Variants in EYS observed in about 807,000 individuals in gnomAD.
The protein encoded by EYS is protein eyes shut homolog.
EYS carries 250 observed loss-of-function variants against 282.1 expected under a neutral mutation model. The ratio of observed to expected loss-of-function variants is 0.89; its 90% CI spans 0.80 to 0.98. The LOEUF (loss-of-function observed/expected upper bound fraction) is 0.98. EYS is among the 50% of genes least tolerant of loss of function. The pLI, the probability that EYS is intolerant of heterozygous loss-of-function variation, is 0.00. For synonymous variants in EYS, 1,355 were observed against 1,282.9 expected, an observed-to-expected ratio of 1.06 and a Z score of -1.20; for missense variants, 4,016 against 3,709.0, an observed-to-expected ratio of 1.08 and a Z score of -2.15.
At chr6:64,148,047 A>G (rs1168322774) in intron 31 of EYS, among the ~76,000 whole-genome samples, 1 of 152,162 alleles carries the variant, frequency 6.6e-6, no homozygotes, top group African/African-American at 2.4e-5. Context: ...TTTTAGGTTT[A>G]AAATGTTGTT....
At chr6:64,046,982 A>G (rs1582196642) in intron 33 of EYS, among the ~76,000 whole-genome samples, 2 of 152,222 alleles carry the variant, frequency 1.3e-5, no homozygotes, top group African/African-American at 4.8e-5. Context: ...GTCACTGCAA[A>G]TTCCCTTTAT....
intron 5 of EYS, among the ~76,000 whole-genome samples, chr6:65,471,611 A>C (rs951365735): frequency 1.3e-5 from 2 of 152,152 alleles, no homozygotes; most frequent in Admixed American, 1.3e-4. Context: ...AAAATTCAGA[A>C]TATGATCTCA....
At chr6:65,571,753 A>G (rs1385855848) in intron 2 of EYS, among the ~76,000 whole-genome samples, 1 of 152,102 alleles carries the variant, frequency 6.6e-6, no homozygotes, top group Admixed American at 6.6e-5. Flanking sequence ...CAGTCTATAT[A>G]GAAAGCTTTT....
intron 29 of EYS, among the ~76,000 whole-genome samples, chr6:64,330,203 C>T (rs1405874503): frequency 1.3e-5 from 2 of 152,160 alleles, no homozygotes; most frequent in South Asian, 2.1e-4. Flanking sequence ...GGAAAAGGCA[C>T]AAATCTGTGG....
intron 26 of EYS, among the ~76,000 whole-genome samples, chr6:64,548,094 C>T (rs1282582684): frequency 2.0e-5 from 3 of 152,162 alleles, no homozygotes; most frequent in Non-Finnish European, 4.4e-5. Flanking sequence ...CTCGGCCAGC[C>T]CAGGAAGGGG....
At chr6:64,456,122 A>C (rs1404847414) in intron 26 of EYS, among the ~76,000 whole-genome samples, 2 of 151,982 alleles carry the variant, frequency 1.3e-5, no homozygotes, top group Non-Finnish European at 2.9e-5. Flanking sequence ...AGCTTCTTTA[A>C]ACAAATTTGG....
At chr6:64,098,448 AAAAAT>A (rs1343836160) in intron 31 of EYS, among the ~76,000 whole-genome samples, 2 of 152,164 alleles carry the variant, frequency 1.3e-5, no homozygotes, top group Admixed American at 6.5e-5. Context: ...AATTTTTAGA[AAAAAT>A]AAAATAATCC....
At chr6:64,784,084 C>A (rs1377394376) in intron 22 of EYS, among the ~76,000 whole-genome samples, 1 of 152,088 alleles carries the variant, frequency 6.6e-6, no homozygotes, top group Non-Finnish European at 1.5e-5. Context: ...ATGTGATTAA[C>A]ATCAACTATC....
At chr6:64,718,991 G>T (rs1200303151) in intron 22 of EYS, among the ~76,000 whole-genome samples, 1 of 152,140 alleles carries the variant, frequency 6.6e-6, no homozygotes, top group Non-Finnish European at 1.5e-5. Context: ...CTAAATACGT[G>T]AACCCTTAAA....
At chr6:64,885,635 T>C (rs539655463) in intron 19 of EYS, among the ~76,000 whole-genome samples, 2 of 151,926 alleles carry the variant, frequency 1.3e-5, no homozygotes, top group South Asian at 4.1e-4. Flanking sequence ...ATATTATATG[T>C]AATGAACTTT....
At chr6:63,944,450 CATT>C (rs1230383026) in intron 35 of EYS, among the ~76,000 whole-genome samples, 1 of 152,078 alleles carries the variant, frequency 6.6e-6, no homozygotes, top group African/African-American at 2.4e-5. Flanking sequence ...AAATTAAAAA[CATT>C]ATTTAAAAAA....
intron 37 of EYS, among the ~76,000 whole-genome samples, chr6:63,790,821 A>T (rs1377554662): frequency 6.6e-6 from 1 of 152,112 alleles, no homozygotes; most frequent in Non-Finnish European, 1.5e-5. Context: ...TCTGGAGGGG[A>T]TCTGAATTGT....
intron 33 of EYS, among the ~76,000 whole-genome samples, chr6:64,064,329 A>G (rs1050094699): frequency 6.6e-6 from 1 of 152,206 alleles, no homozygotes; most frequent in Non-Finnish European, 1.5e-5. Context: ...GAAACTAAAT[A>G]TAGAACAAAA....
chr6:64,641,836 T>C (rs140071029), intron 22 of EYS, among the ~76,000 whole-genome samples: 1 of 152,290 alleles, frequency 6.6e-6, no homozygotes, highest in Admixed American at 6.5e-5. Flanking sequence ...GTGAACCTCA[T>C]ATGCAGGGGA....
intron 31 of EYS, among the ~76,000 whole-genome samples, chr6:64,108,506 G>A (rs1169513000): frequency 8.4e-6 from 1 of 118,878 alleles, no homozygotes; most frequent in African/African-American, 3.6e-5. Flanking sequence ...GTCCACTACT[G>A]CTTTTTTTTT....
chr6:65,461,082 A>G (rs1441074736), intron 5 of EYS, among the ~76,000 whole-genome samples: 1 of 152,124 alleles, frequency 6.6e-6, no homozygotes, highest in East Asian at 1.9e-4. Flanking sequence ...GTATTACTCA[A>G]TTGATGTGAT....
intron 26 of EYS, among the ~76,000 whole-genome samples, chr6:64,491,137 CT>C (rs2150505904): frequency 6.6e-6 from 1 of 150,832 alleles, no homozygotes; most frequent in African/African-American, 2.4e-5. Context: ...ATATGAAGAG[CT>C]TTTAATGGGA....
At chr6:64,550,920 C>T (rs373183313) in intron 26 of EYS, among the ~76,000 whole-genome samples, 5 of 152,122 alleles carry the variant, frequency 3.3e-5, no homozygotes, top group African/African-American at 1.2e-4. Context: ...TGAAGGATCT[C>T]TTCAAGGAGA....
intron 14 of EYS, among the ~76,000 whole-genome samples, chr6:64,963,340 G>T (rs1769986616): frequency 6.6e-6 from 1 of 152,102 alleles, no homozygotes; most frequent in Non-Finnish European, 1.5e-5. Context: ...TCTTGACCAG[G>T]ATGTAGTGAG....
Sources: allele counts gnomAD v4.1 joint callset (sites outside exome capture counted in the v4.1 genomes callset), GRCh38; gene constraint gnomAD v4.1.1; transcripts MANE v1.5; gene names NCBI Gene and HGNC (gene_info 2026-07-23, HGNC 2026-07-21).